Variants in MAP2K5 observed in about 807,000 individuals in gnomAD.
MAP2K5 encodes the protein dual specificity mitogen-activated protein kinase kinase 5.
Under a neutral mutation model 83.1 loss-of-function variants are expected in MAP2K5, and 49 were observed. The ratio of observed to expected loss-of-function variants is 0.59; its 90% CI spans 0.47 to 0.75. The LOEUF (loss-of-function observed/expected upper bound fraction) is 0.75, where lower values mean the gene tolerates loss of function less well. Ranked by LOEUF, MAP2K5 falls within the 30% of genes least tolerant of loss-of-function variation. The pLI, the probability that MAP2K5 is intolerant of heterozygous loss-of-function variation, is 0.00. For synonymous variants in MAP2K5, 202 were observed against 191.8 expected, an observed-to-expected ratio of 1.05 and a Z score of -0.44; for missense variants, 457 against 557.5, an observed-to-expected ratio of 0.82 and a Z score of 1.82.
intron 8 of MAP2K5, among the ~76,000 whole-genome samples, chr15:67,623,395 G>A (rs1361508890): frequency 6.6e-6 from 1 of 152,162 alleles, no homozygotes; most frequent in African/African-American, 2.4e-5. Flanking sequence ...TCAACATGAA[G>A]TAATACTACG....
intron 2 of MAP2K5, 48 bp downstream of exon 2, chr15:67,550,130 T>G: frequency 6.7e-7 from 1 of 1,503,130 alleles, no homozygotes. Context: ...CTGCAGTCAT[T>G]TTTTAAAGGG....
chr15:67,714,206 A>G (rs2088771698), intron 16 of MAP2K5, among the ~76,000 whole-genome samples: 1 of 152,142 alleles, frequency 6.6e-6, no homozygotes, highest in Non-Finnish European at 1.5e-5. Flanking sequence ...TTAGAAATAT[A>G]TTCAATATTC....
At position 67,597,332 on chromosome 15, in the gene MAP2K5, T is replaced by C. The variant is rs375217000; in HGVS notation, c.481-3353T>C. ...TGAAATTTCTTTTAACTTGTGTCTT[T>C]CAGTTGATTGTTTACCATCCTGTGG... On this transcript the variant is annotated intron_variant, in intron 7 of 21. Coordinates refer to ENST00000178640, the MANE Select transcript of MAP2K5 (RefSeq NM_145160.3). Among the ~76,000 whole-genome samples, 9 of 152,344 alleles carry C rather than the reference T, an allele frequency of 5.9e-5. No individual in the cohort carries two copies. In the East Asian group the frequency reaches 1.7e-3, roughly 29 times the overall value.
At position 67,543,272 on chromosome 15, in the gene MAP2K5, C is replaced by T; in HGVS notation, c.-64C>T. On this transcript the variant is annotated 5_prime_UTR_variant, in exon 1 of 22. Transcript: ENST00000178640. This position sits in a 1 kb window ranked among gnomAD's most constrained non-coding sequence, Gnocchi z 4.3. Reference sequence around the variant, plus strand: ...TCACTCCCCTTGTCACCTCTTGGAGCCCCCTCCTAACCAGCGGCCAGTGGG... The same window carrying T: ...TCACTCCCCTTGTCACCTCTTGGAGTCCCCTCCTAACCAGCGGCCAGTGGG... 2 of 1,575,914 alleles carry T rather than the reference C, an allele frequency of 1.3e-6. No homozygotes were observed. The highest frequency in any genetic ancestry group is 1.7e-6 in the Non-Finnish European group (2 of 1,148,108).
rs1014443950 is a variant in MAP2K5 at position 67,802,087 on chromosome 15, G to A, written c.1243-4559G>A. ...CCACAAGATGAGCACACCAAGCCCTGCCCCCTGCCTCCACGTGGGAGGGGC... is the reference window on the plus strand; with the variant it reads ...CCACAAGATGAGCACACCAAGCCCTACCCCCTGCCTCCACGTGGGAGGGGC... On this transcript the variant is annotated intron_variant, in intron 21 of 21. Transcript: ENST00000178640. This position sits in a 1 kb window ranked among gnomAD's most constrained non-coding sequence, Gnocchi z 5.0. Among the ~76,000 whole-genome samples, 1 of 152,178 alleles carries A rather than the reference G, an allele frequency of 6.6e-6. No individual in the cohort carries two copies. Among genetic ancestry groups the A allele is most frequent in the African/African-American group, 2.4e-5 (1 of 41,442 alleles).
intron 13 of MAP2K5, among the ~76,000 whole-genome samples, chr15:67,667,614 T>C (rs950330957): frequency 1.5e-4 from 23 of 152,096 alleles, no homozygotes; most frequent in African/African-American, 4.1e-4. Flanking sequence ...TGTTGTCCTC[T>C]GATCATCATT....
chr15:67,602,220 C>G (rs923984969), intron 8 of MAP2K5, among the ~76,000 whole-genome samples: 2 of 152,108 alleles, frequency 1.3e-5, no homozygotes, highest in Admixed American at 6.5e-5. Context: ...TAGATTTTTC[C>G]TGTGTTCTGA....
chr15:67,613,348 A>G (rs2085976636), intron 8 of MAP2K5, among the ~76,000 whole-genome samples: 1 of 152,188 alleles, frequency 6.6e-6, no homozygotes, highest in Non-Finnish European at 1.5e-5. Flanking sequence ...TTTTATGGAG[A>G]TTAGAAGTAA....
At chr15:67,680,733 C>G (rs1329436969) in intron 13 of MAP2K5, among the ~76,000 whole-genome samples, 1 of 152,206 alleles carries the variant, frequency 6.6e-6, no homozygotes, top group East Asian at 1.9e-4. Flanking sequence ...GCTGTCACTG[C>G]TGCAACTCAA....
At position 67,638,397 on chromosome 15, in the gene MAP2K5, T is replaced by C. The variant is rs879161615; in HGVS notation, c.585+7470T>C. Among the ~76,000 whole-genome samples the C allele has an allele frequency of 6.6e-6, 1 of 152,206 alleles. No individual in the cohort carries two copies. The highest frequency in any genetic ancestry group is 1.9e-4 in the East Asian group (1 of 5,204). ...TCCATCCATGTTCCTGCAGAGGACATGATCTCATTGTTTTTTATGACTGCA... is the reference window on the plus strand; with the variant it reads ...TCCATCCATGTTCCTGCAGAGGACACGATCTCATTGTTTTTTATGACTGCA... On this transcript the variant is annotated intron_variant, in intron 9 of 21. Transcript: ENST00000178640. This position sits in a 1 kb window ranked among gnomAD's most constrained non-coding sequence, Gnocchi z 4.5.
chr15:67,627,302 A>G (rs1270204572), intron 8 of MAP2K5, among the ~76,000 whole-genome samples: 2 of 152,204 alleles, frequency 1.3e-5, no homozygotes. Context: ...TTGTTATTTG[A>G]GAATATCTTT....
At position 67,748,533 on chromosome 15, in the gene MAP2K5, G is replaced by A; in HGVS notation, c.1102-36G>A. On this transcript the variant is annotated intron_variant, in intron 18 of 21. Coordinates refer to ENST00000178640, the MANE Select transcript of MAP2K5 (RefSeq NM_145160.3). The surrounding 1 kb of genome is among the most constrained non-coding windows in gnomAD (Gnocchi z 4.0). ...CTCCACTGTAAAGATATTGCATAGA[G>A]GCTAATACTTTTTCCTCTCTTCTTT... is the stretch of plus-strand genomic sequence containing the variant. 6.2e-7 allele frequency: 1 copy of A among 1,603,804 alleles called. No individual in the cohort carries two copies. Among genetic ancestry groups the A allele is most frequent in the Non-Finnish European group, 8.5e-7 (1 of 1,171,008 alleles).
chr15:67,575,925 T>TCTTTC (rs1352481846), intron 3 of MAP2K5, among the ~76,000 whole-genome samples: 1 of 146,080 alleles, frequency 6.8e-6, no homozygotes, highest in Non-Finnish European at 1.5e-5. Context: ...TCTTTTTTTT[T>TCTTTC]TTTTTTTTTT....
chr15:67,560,170 G>C (rs143032365), intron 2 of MAP2K5, among the ~76,000 whole-genome samples: 1 of 152,330 alleles, frequency 6.6e-6, no homozygotes, highest in East Asian at 1.9e-4. Context: ...TTTCGTAGCT[G>C]TCAATTCACT....
chr15:67,743,114 A>C (rs1204327352), intron 17 of MAP2K5, among the ~76,000 whole-genome samples: 1 of 152,188 alleles, frequency 6.6e-6, no homozygotes, highest in East Asian at 1.9e-4. Context: ...TTTCTGTCCT[A>C]CCTAGCTGCT....
intron 9 of MAP2K5, among the ~76,000 whole-genome samples, chr15:67,631,281 G>A (rs1463546145): frequency 6.6e-6 from 1 of 152,118 alleles, no homozygotes; most frequent in Non-Finnish European, 1.5e-5. Flanking sequence ...GTGAATTGCT[G>A]TATCCCGTTA....
chr15:67,705,850 A>G (rs1490332373), intron 16 of MAP2K5, among the ~76,000 whole-genome samples: 3 of 152,230 alleles, frequency 2.0e-5, no homozygotes, highest in Non-Finnish European at 2.9e-5. Context: ...GCTCAAAGGC[A>G]CCAAGATAGA....
chr15:67,765,497 T>C lies in MAP2K5; in HGVS notation c.1135-4105T>C, dbSNP rs544963444. On this transcript the variant is annotated intron_variant, in intron 19 of 21. Transcript: ENST00000178640. ...TGTATGGGGGCGGGGAGTTGCAGGGTGGAGGGTAGATTAATGACACAGATT... is the reference window on the plus strand; with the variant it reads ...TGTATGGGGGCGGGGAGTTGCAGGGCGGAGGGTAGATTAATGACACAGATT... 2.0e-5 allele frequency among the ~76,000 whole-genome samples: 3 copies of C among 152,176 alleles called. No individual in the cohort carries two copies. The East Asian group carries it at 5.8e-4, about 29-fold the overall frequency.
chr15:67,779,519 G>A lies in MAP2K5; in HGVS notation c.1242+6767G>A, dbSNP rs142210677. Reference sequence around the variant, plus strand: ...GATAAATATGTGTGTGTATGTATATGTCTTTATATGCATGCGCATAGCAAG... The same window carrying A: ...GATAAATATGTGTGTGTATGTATATATCTTTATATGCATGCGCATAGCAAG... On this transcript the variant is annotated intron_variant, in intron 21 of 21. Transcript: ENST00000178640. The surrounding 1 kb of genome is among the most constrained non-coding windows in gnomAD (Gnocchi z 4.6). Among the ~76,000 whole-genome samples the A allele has an allele frequency of 2.0e-4, 31 of 152,324 alleles. No homozygotes were observed. The highest frequency in any genetic ancestry group is 7.2e-4 in the African/African-American group (30 of 41,568).
Sources: gnomAD v4.1 joint callset for allele counts (sites outside exome capture counted in the v4.1 genomes callset) on GRCh38, gnomAD v4.1.1 for gene constraint, Gnocchi (gnomAD v3.1) non-coding constraint, MANE v1.5 for transcripts, NCBI Gene and HGNC (gene_info 2026-07-23, HGNC 2026-07-21) for gene names.